TPPP2: variants seen among roughly 807,000 people sequenced by gnomAD.
The protein encoded by TPPP2 is tubulin polymerization-promoting protein family member 2.
A neutral mutation model predicts 13.0 loss-of-function variants in TPPP2; 8 were observed. The ratio of observed to expected loss-of-function variants is 0.62; its 90% CI spans 0.36 to 1.11. The LOEUF (loss-of-function observed/expected upper bound fraction) is 1.11. Ranked by LOEUF, TPPP2 falls within the 50% of genes most tolerant of loss-of-function variation. The probability of loss-of-function intolerance (pLI) is 0.02; values close to 1 mark genes in which losing one functional copy is unlikely to be tolerated. For missense variants in TPPP2, 213 were observed against 216.9 expected (o/e 0.98, Z 0.11); for synonymous variants, 81 against 81.8 (o/e 0.99, Z 0.05).
At position 21,030,741 on chromosome 14, in the gene TPPP2, T is replaced by C. The variant is rs775532664; in HGVS notation, c.160T>C (p.Phe54Leu). 6.2e-7 allele frequency: 1 copy of C among 1,613,982 alleles called. No homozygotes were observed. The highest frequency in any genetic ancestry group is 1.1e-5 in the South Asian group (1 of 91,028). ...TVTSTDVDIV[F>L]SKVKAKNART... ...CACCTCCACGGACGTGGACATCGTG[T>C]TCAGCAAAGTCAAGTGAGGAGCCAA... The change falls in exon 2 of 4, where the codon TTC becomes CTC. Residue 54 changes from phenylalanine (F) to leucine (L), a missense_variant. Coordinates refer to ENST00000321760, the MANE Select transcript of TPPP2 (RefSeq NM_173846.5).
rs767824074 is a variant in TPPP2, at chr14:21,032,113, C to A, written c.*36C>A. 1.9e-6 allele frequency: 3 copies of A among 1,597,480 alleles called. No homozygotes were observed. The highest frequency in any genetic ancestry group is 2.6e-6 in the Non-Finnish European group (3 of 1,166,860). On this transcript the variant is annotated 3_prime_UTR_variant, in exon 4 of 4. Transcript: ENST00000321760. ...CATCTCAGCCTGCTAGCCCCCTGAC[C>A]CTGCATGTTTAACACCAGGGAGCTT...
upstream of TPPP2, among the ~76,000 whole-genome samples, chr14:21,027,450 G>T (rs1331028164): frequency 6.6e-6 from 1 of 152,152 alleles, no homozygotes. Context: ...TCAAGAGAAG[G>T]TACAAACACA....
chr14:21,031,042 A>G lies in TPPP2; in HGVS notation c.204A>G (p.Gln68=), dbSNP rs1323921151. The change falls in exon 3 of 4, where the codon CAA becomes CAG. Residue 68 remains glutamine (Q), a synonymous_variant. Transcript: ENST00000321760. ...AGAACGCCCGAACCATCACGTTTCAACAGTTCAAAGAGGCAGTGAAGGAAC... is the reference window on the plus strand; with the variant it reads ...AGAACGCCCGAACCATCACGTTTCAGCAGTTCAAAGAGGCAGTGAAGGAAC... The part of the protein sequence containing the change: ...KAKNARTITF[Q]QFKEAVKELG... 4 of 1,613,620 alleles carry G rather than the reference A, an allele frequency of 2.5e-6. No individual in the cohort carries two copies. The highest frequency in any genetic ancestry group is 1.3e-5 in the African/African-American group (1 of 75,014).
chr14:21,035,221 G>A (rs1243224658), downstream of TPPP2, among the ~76,000 whole-genome samples: 2 of 152,182 alleles, frequency 1.3e-5, no homozygotes, highest in African/African-American at 4.8e-5. Context: ...CTTCACCTGT[G>A]ACCTCAGGCC....
upstream of TPPP2, chr14:21,028,637 G>A (rs1237155784): frequency 6.6e-6 from 1 of 152,112 alleles, no homozygotes; most frequent in South Asian, 2.1e-4. Context: ...TATATCTTGA[G>A]CCACAGAATA....
downstream of TPPP2, chr14:21,035,697 G>A (rs1335897727): frequency 4.5e-6 from 2 of 446,990 alleles, no homozygotes; most frequent in Non-Finnish European, 9.0e-6. Context: ...CTCATGTAGA[G>A]CCCCCTAAAC....
At chr14:21,027,694 A>G (rs1883790009), upstream of TPPP2, among the ~76,000 whole-genome samples, 1 of 152,196 alleles carries the variant, frequency 6.6e-6, no homozygotes, top group Non-Finnish European at 1.5e-5. Flanking sequence ...CTCAGTTCAC[A>G]CTCACTCTTT....
upstream of TPPP2, chr14:21,029,225 A>G (rs1566484936): frequency 6.6e-6 from 1 of 152,246 alleles, no homozygotes; most frequent in Non-Finnish European, 1.5e-5. Flanking sequence ...ACTAGAAAAC[A>G]TGACAGCCTG....
chr14:21,030,857 A>T, intron 2 of TPPP2, 103 bp downstream of exon 2: 1 of 1,509,022 alleles, frequency 6.6e-7, no homozygotes, highest in South Asian at 1.3e-5. Flanking sequence ...CCTACCAAGC[A>T]CCACAGGGTA....
intron 3 of TPPP2, 146 bp from the exon 4 acceptor site, chr14:21,031,746 A>T (rs1173064945): frequency 3.6e-6 from 3 of 826,372 alleles, no homozygotes; most frequent in Non-Finnish European, 5.7e-6. Context: ...CCACAGCTGT[A>T]TCTGGGCCCT....
At chr14:21,025,632 G>T (rs1446589448), upstream of TPPP2, 1 of 985,422 alleles carries the variant, frequency 1.0e-6, no homozygotes, top group East Asian at 1.1e-4. The surrounding 1 kb of genome is among the most constrained non-coding windows in gnomAD (Gnocchi z 5.1). Context: ...GGGGAACGTC[G>T]AGGGCGCAGG....
In TPPP2 at chr14:21,030,639, A is replaced by T. The variant is rs1594473905; in HGVS notation, c.58A>T (p.Ser20Cys). Residue 20 changes from serine to cysteine, a missense_variant, in exon 2 of 4, where the codon AGC becomes TGC. By Grantham distance (112) the Ser-to-Cys change is moderately radical. Transcript: ENST00000321760. ...HRFAAFGESS[S>C]SGTEMNNKNF... Reference sequence around the variant, plus strand: ...GTTTGCTGCGTTTGGAGAATCATCAAGCAGTGGCACTGAAATGAACAACAA... The same window carrying T: ...GTTTGCTGCGTTTGGAGAATCATCATGCAGTGGCACTGAAATGAACAACAA... 6.2e-7 allele frequency: 1 copy of T among 1,614,104 alleles called. No homozygotes were observed. Among genetic ancestry groups the T allele is most frequent in the East Asian group, 2.2e-5 (1 of 44,876 alleles).
Position 21,030,501 on chromosome 14 carries a change from A to G in TPPP2, c.-69-12A>G. ...TGATTTTACCATAACACTCATCCTC[A>G]TTACTCCACAGTCCTCCCTCCCCCT... On this transcript the variant is annotated splice_polypyrimidine_tract_variant and intron_variant, in intron 1 of 3. Coordinates refer to ENST00000321760, the MANE Select transcript of TPPP2 (RefSeq NM_173846.5). 4 of 1,428,938 alleles carry G rather than the reference A, an allele frequency of 2.8e-6. No homozygotes were observed. The highest frequency in any genetic ancestry group is 3.8e-6 in the Non-Finnish European group (4 of 1,045,654). The allele number at this position is 1,428,938 out of a possible 1,614,324, so 88.5% of individuals were successfully genotyped here.
chr14:21,035,390 T>C (rs1884550323), downstream of TPPP2, among the ~76,000 whole-genome samples: 1 of 152,210 alleles, frequency 6.6e-6, no homozygotes, highest in South Asian at 2.1e-4. Flanking sequence ...CTGAGTGGTT[T>C]GCCATGCTGG....
chr14:21,031,786 A>G, intron 3 of TPPP2, 106 bp from the exon 4 acceptor site: 1 of 1,312,266 alleles, frequency 7.6e-7, no homozygotes, highest in South Asian at 1.5e-5. Flanking sequence ...CCAGTGGCAG[A>G]GCAAGAGCTC....
At chr14:21,033,399 A>C, downstream of TPPP2, 1 of 270,616 alleles carries the variant, frequency 3.7e-6, no homozygotes, top group East Asian at 9.9e-5. Flanking sequence ...GAACTGGGGG[A>C]GGCTGACATG....
chr14:21,034,544 C>A, downstream of TPPP2: 1 of 472,918 alleles, frequency 2.1e-6, no homozygotes, highest in South Asian at 4.0e-5. Flanking sequence ...GCTACATTTG[C>A]AGAATAAGAG....
Position 21,031,182 on chromosome 14 carries a change from A to G in TPPP2, c.327+17A>G, listed in dbSNP as rs1884091062. 6.2e-7 allele frequency: 1 copy of G among 1,611,846 alleles called. No individual in the cohort carries two copies. Among genetic ancestry groups the G allele is most frequent in the African/African-American group, 1.3e-5 (1 of 74,966 alleles). On this transcript the variant is annotated intron_variant, in intron 3 of 3. Transcript: ENST00000321760. ...GGCGCTACTGTGAGTGACAGCCTTCATCCCCTTGACCCTACTTCCCTAAAT... is the reference window on the plus strand; with the variant it reads ...GGCGCTACTGTGAGTGACAGCCTTCGTCCCCTTGACCCTACTTCCCTAAAT...
chr14:21,033,141 T>C, downstream of TPPP2: 3 of 377,068 alleles, frequency 8.0e-6, no homozygotes, highest in Non-Finnish European at 1.5e-5. Context: ...GAAAAAGAGG[T>C]TGGAAAAAGG....
Sources: gnomAD v4.1 joint callset for allele counts (sites outside exome capture counted in the v4.1 genomes callset) on GRCh38, gnomAD v4.1.1 for gene constraint, Gnocchi (gnomAD v3.1) non-coding constraint, MANE v1.5 for transcripts, NCBI Gene and HGNC (gene_info 2026-07-23, HGNC 2026-07-21) for gene names.